Variants in WDR76 observed in about 807,000 individuals in gnomAD.
WDR76 encodes the protein WD repeat domain 76.
Under a neutral mutation model 70.2 loss-of-function variants are expected in WDR76, and 52 were observed. The observed-to-expected ratio is 0.74, with a 90% CI of 0.59 to 0.93. The LOEUF (loss-of-function observed/expected upper bound fraction) is 0.93. Ranked by LOEUF, WDR76 falls within the 40% of genes least tolerant of loss-of-function variation. The probability of loss-of-function intolerance (pLI) is 0.00; values close to 1 mark genes in which losing one functional copy is unlikely to be tolerated. For missense variants in WDR76, 756 were observed against 760.2 expected, an observed-to-expected ratio of 0.99 and a Z score of 0.07; for synonymous variants, 292 against 271.1, an observed-to-expected ratio of 1.08 and a Z score of -0.76.
intron 10 of WDR76, 125 bp from the exon 11 acceptor site, chr15:43,858,546 G>C (rs1171939087): frequency 6.1e-5 from 77 of 1,270,508 alleles, no homozygotes; most frequent in Non-Finnish European, 7.5e-5. Flanking sequence ...GCACCTGGCT[G>C]AGAGTTCTGT....
At chr15:43,830,118 CAG>C (rs1168647563) in intron 2 of WDR76, among the ~76,000 whole-genome samples, 1 of 151,666 alleles carries the variant, frequency 6.6e-6, no homozygotes, top group Non-Finnish European at 1.5e-5. Flanking sequence ...CCTCCAACCT[CAG>C]ACTCCCAAAG....
intron 12 of WDR76, 113 bp from the exon 13 acceptor site, chr15:43,866,015 A>G: frequency 7.6e-7 from 1 of 1,309,548 alleles, no homozygotes; most frequent in Non-Finnish European, 1.0e-6. Flanking sequence ...CTTAATGAGA[A>G]GAAACTTGGC....
chr15:43,833,628 TTTTTTTTG>T (rs973421887), intron 2 of WDR76, among the ~76,000 whole-genome samples: 1 of 151,172 alleles, frequency 6.6e-6, no homozygotes, highest in African/African-American at 2.4e-5. Context: ...CCTTTCTTTT[TTTTTTTTG>T]TTTGTTTGTT....
At chr15:43,854,962 A>G (rs935980224) in intron 9 of WDR76, among the ~76,000 whole-genome samples, 5 of 152,056 alleles carry the variant, frequency 3.3e-5, no homozygotes, top group Non-Finnish European at 7.4e-5. Context: ...AAAAAAAAAA[A>G]AAAAGAAATT....
chr15:43,849,237 A>G (rs1343415980), intron 8 of WDR76, among the ~76,000 whole-genome samples: 2 of 151,856 alleles, frequency 1.3e-5, no homozygotes, highest in Non-Finnish European at 2.9e-5. Flanking sequence ...ATCAATATAA[A>G]TTATCTAAAA....
At position 43,866,206 on chromosome 15, in the gene WDR76, T is replaced by C. The variant is rs903834790; in HGVS notation, c.1695T>C (p.Val565=). Residue 565 remains valine, a synonymous_variant, in exon 13 of 13, where the codon GTT becomes GTC. Transcript: ENST00000263795. The part of the protein sequence containing the change: ...WDPKQEDCVI[V]GSMAHPRRVE... ...CTAAACAAGAAGACTGTGTCATAGT[T>C]GGCAGCATGGCCCATCCACGACGGG... 2.5e-6 allele frequency: 4 copies of C among 1,614,104 alleles called. No homozygotes were observed. In the African/African-American group the frequency reaches 5.3e-5, roughly 22 times the overall value.
chr15:43,855,302 G>T (rs955281191), intron 9 of WDR76, among the ~76,000 whole-genome samples: 2 of 152,160 alleles, frequency 1.3e-5, no homozygotes, highest in Non-Finnish European at 2.9e-5. Flanking sequence ...TAATGTTATT[G>T]CATTTAACAG....
intron 12 of WDR76, among the ~76,000 whole-genome samples, chr15:43,865,512 T>G (rs933008886): frequency 6.6e-6 from 1 of 152,170 alleles, no homozygotes; most frequent in Non-Finnish European, 1.5e-5. Context: ...CCTTGAATGA[T>G]CCACCCTCTT....
In WDR76 at chr15:43,868,329, CTCAA is replaced by C. The variant is rs2088098918; in HGVS notation, c.*1942_*1945del. ...GTTTTTAAAGATGCTGAAAACTACT[CTCAA>C]TCAAATTAGTACCATCATTTAAGCT... On this transcript the variant is annotated 3_prime_UTR_variant, in exon 13 of 13. Coordinates refer to ENST00000263795, the MANE Select transcript of WDR76 (RefSeq NM_024908.4). The C allele has an allele frequency of 6.6e-6, 1 of 152,190 alleles. No homozygotes were observed. The highest frequency in any genetic ancestry group is 2.1e-4 in the South Asian group (1 of 4,830). The allele number at this position is 152,190 out of a possible 1,614,324, so 9.4% of individuals were successfully genotyped here. A position where few individuals can be genotyped will look rare whatever the true frequency, so the allele number is the denominator to read the frequency against.
At chr15:43,837,822 C>T (rs1006330510) in intron 4 of WDR76, among the ~76,000 whole-genome samples, 1 of 151,910 alleles carries the variant, frequency 6.6e-6, no homozygotes, top group Non-Finnish European at 1.5e-5. Flanking sequence ...CCCTCCCTCC[C>T]GATACAACCA....
Position 43,827,967 on chromosome 15 carries a change from AAATG to A in WDR76, c.67_70del (p.Glu23IlefsTer12), listed in dbSNP as rs1409792081. On this transcript the variant is annotated frameshift_variant, in exon 2 of 13. Coordinates refer to ENST00000263795, the MANE Select transcript of WDR76 (RefSeq NM_024908.4). LOFTEE classifies it high-confidence loss of function. Reference sequence around the variant, plus strand: ...TTTTCTTTTATTGATCTGAATAGGTAAATGAATATAAAGAAAATCAAAACATCGC... The same window carrying A: ...TTTTCTTTTATTGATCTGAATAGGTAAATATAAAGAAAATCAAAACATCGC... The A allele has an allele frequency of 1.2e-6, 2 of 1,602,818 alleles. No individual in the cohort carries two copies.
intron 9 of WDR76, 56 bp downstream of exon 9, chr15:43,851,301 A>G: frequency 6.3e-7 from 1 of 1,586,910 alleles, no homozygotes; most frequent in Non-Finnish European, 8.6e-7. Context: ...ATTCTTCGAA[A>G]TGCCACATGA....
chr15:43,849,315 A>C (rs1313274104), intron 8 of WDR76, among the ~76,000 whole-genome samples: 2 of 152,200 alleles, frequency 1.3e-5, no homozygotes, highest in Admixed American at 1.3e-4. Context: ...TTGCCATTGT[A>C]GAAGATAATG....
chr15:43,834,460 C>G (rs1567182742), intron 2 of WDR76, among the ~76,000 whole-genome samples: 1 of 130,788 alleles, frequency 7.6e-6, no homozygotes, highest in Admixed American at 8.7e-5. Flanking sequence ...GCCACTATAC[C>G]TGGCTAATTT....
At chr15:43,833,797 C>T (rs560973853) in intron 2 of WDR76, among the ~76,000 whole-genome samples, 17 of 151,662 alleles carry the variant, frequency 1.1e-4, no homozygotes, top group African/African-American at 3.1e-4. Flanking sequence ...TCACCACACC[C>T]GGCTAATTTT....
In WDR76 at chr15:43,839,587, T is replaced by C. The variant is rs1322511998; in HGVS notation, c.609-18T>C. 7.5e-6 allele frequency: 12 copies of C among 1,595,466 alleles called. No individual in the cohort carries two copies. The highest frequency in any genetic ancestry group is 9.4e-6 in the Non-Finnish European group (11 of 1,172,404). Reference sequence around the variant, plus strand: ...ATTGTTTTGTGAGTATAACATGAGTTTTTCCCCACTCCTTTAGAAAGAAGC... The same window carrying C: ...ATTGTTTTGTGAGTATAACATGAGTCTTTCCCCACTCCTTTAGAAAGAAGC... On this transcript the variant is annotated intron_variant, in intron 4 of 12. Coordinates refer to ENST00000263795, the MANE Select transcript of WDR76 (RefSeq NM_024908.4).
intron 2 of WDR76, among the ~76,000 whole-genome samples, chr15:43,833,681 G>A (rs1324925040): frequency 6.7e-6 from 1 of 150,064 alleles, no homozygotes; most frequent in African/African-American, 2.5e-5. Flanking sequence ...GGCCCAGGCT[G>A]GATGGAGTGC....
chr15:43,861,434 A>G (rs2087996652), intron 12 of WDR76, 48 bp downstream of exon 12: 8 of 1,523,316 alleles, frequency 5.3e-6, no homozygotes, highest in South Asian at 1.1e-5. Context: ...ACTATGAACT[A>G]TTTGTTGCAG....
chr15:43,842,563 AATATAT>A, intron 6 of WDR76, 47 bp downstream of exon 6: 3 of 1,587,082 alleles, frequency 1.9e-6, no homozygotes, highest in Non-Finnish European at 1.7e-6. Flanking sequence ...CTGTTAAGGA[AATATAT>A]ATATATGTAA....
Sources: gnomAD v4.1 joint callset for allele counts (sites outside exome capture counted in the v4.1 genomes callset) on GRCh38, gnomAD v4.1.1 for gene constraint, MANE v1.5 for transcripts, NCBI Gene and HGNC (gene_info 2026-07-23, HGNC 2026-07-21) for gene names.